The following ERBB4 variants were observed in gnomAD, a reference collection of about 807,000 sequenced individuals.
The protein encoded by ERBB4 is erb-b2 receptor tyrosine kinase 4.
ERBB4 carries 42 observed loss-of-function variants against 158.0 expected under a neutral mutation model. The observed-to-expected ratio is 0.27, with a 90% CI of 0.21 to 0.34. ERBB4 has a LOEUF of 0.34. Ranked by LOEUF, ERBB4 falls within the 10% of genes least tolerant of loss-of-function variation. ERBB4 has a pLI of 1.00. For missense variants in ERBB4, 1,333 were observed against 1,624.1 expected (o/e 0.82, Z 3.08); for synonymous variants, 583 against 558.7 (o/e 1.04, Z -0.61).
At chr2:212,023,784 G>A (rs1412180296) in intron 2 of ERBB4, among the ~76,000 whole-genome samples, 1 of 151,854 alleles carries the variant, frequency 6.6e-6, no homozygotes, top group African/African-American at 2.4e-5. Context: ...GTCCCCATGG[G>A]TGTCTTTGAA....
At chr2:211,725,563 C>A (rs2106134228) in intron 5 of ERBB4, among the ~76,000 whole-genome samples, 1 of 152,208 alleles carries the variant, frequency 6.6e-6, no homozygotes, top group South Asian at 2.1e-4. Flanking sequence ...TGGGCTACGA[C>A]TGCACTTGTG....
Position 212,206,589 on chromosome 2 carries a change from C to CTTTTTTTTTTTTTTTTTTTTTTTTT in ERBB4, c.83-81687_83-81686insAAAAAAAAAAAAAAAAAAAAAAAAA, listed in dbSNP as rs5838309. ...ATGAACTGTCTCCGTCTGTTCTGTT[C>CTTTTTTTTTTTTTTTTTTTTTTTTT]TTTTTTTTTTTTTTTTGAGACGGAG... On this transcript the variant is annotated intron_variant, in intron 1 of 27. Transcript: ENST00000342788. Among the ~76,000 whole-genome samples the CTTTTTTTTTTTTTTTTTTTTTTTTT allele has an allele frequency of 4.3e-4, 50 of 116,440 alleles. 7 individuals are homozygous for CTTTTTTTTTTTTTTTTTTTTTTTTT. The highest frequency in any genetic ancestry group is 8.3e-4 in the African/African-American group (23 of 27,644). 76.4% of individuals were successfully genotyped at this position (116,440 alleles called of 152,430 possible).
intron 13 of ERBB4, among the ~76,000 whole-genome samples, chr2:211,675,220 G>GT (rs67150464): frequency 0.41 from 62,806 of 152,074 alleles, 14,197 homozygotes; most frequent in East Asian, 0.9. Context: ...AGGGAGCTTT[G>GT]TTCCCTTGGT....
chr2:212,408,489 T>C (rs1011105466), intron 1 of ERBB4, among the ~76,000 whole-genome samples: 4 of 152,078 alleles, frequency 2.6e-5, no homozygotes, highest in African/African-American at 7.2e-5. Context: ...AAAATCCTGA[T>C]TCCTGAGGCC....
intron 25 of ERBB4, among the ~76,000 whole-genome samples, chr2:211,410,874 A>C (rs1010955078): frequency 2.0e-5 from 3 of 151,988 alleles, no homozygotes; most frequent in African/African-American, 7.3e-5. Flanking sequence ...GAACAATAAC[A>C]ATTTGTAAAA....
intron 1 of ERBB4, chr2:212,426,393 T>C: frequency 2.4e-6 from 1 of 423,846 alleles, no homozygotes; most frequent in Non-Finnish European, 4.6e-6. Flanking sequence ...TAGATCTCTT[T>C]CGTCACACAT....
At chr2:212,406,665 T>A (rs939654762) in intron 1 of ERBB4, among the ~76,000 whole-genome samples, 1 of 152,250 alleles carries the variant, frequency 6.6e-6, no homozygotes, top group Non-Finnish European at 1.5e-5. Flanking sequence ...GTTAAAAACC[T>A]CTCAGAGACT....
chr2:211,795,576 T>A (rs2076365624), intron 3 of ERBB4, among the ~76,000 whole-genome samples: 1 of 147,858 alleles, frequency 6.8e-6, no homozygotes, highest in South Asian at 2.1e-4. Context: ...TATATAAAAA[T>A]CCACAATCAT....
intron 3 of ERBB4, among the ~76,000 whole-genome samples, chr2:211,862,471 A>G (rs1275957924): frequency 1.3e-5 from 2 of 152,188 alleles, no homozygotes; most frequent in African/African-American, 4.8e-5. Flanking sequence ...CTGTTCAAAC[A>G]TAACTTCTAC....
Position 212,329,043 on chromosome 2 carries a change from C to T in ERBB4, c.83-204140G>A, listed in dbSNP as rs377645575. Among the ~76,000 whole-genome samples, 27 of 152,068 alleles carry T rather than the reference C, an allele frequency of 1.8e-4. No individual in the cohort carries two copies. In the East Asian group the frequency reaches 4.9e-3, roughly 27 times the overall value. On this transcript the variant is annotated intron_variant, in intron 1 of 27. Coordinates refer to ENST00000342788, the MANE Select transcript of ERBB4 (RefSeq NM_005235.3). Reference sequence around the variant, plus strand: ...TCCCATTTTAGTGAACATTTTGGAGCATGTGAGAGAAACACATTGTACTAA... The same window carrying T: ...TCCCATTTTAGTGAACATTTTGGAGTATGTGAGAGAAACACATTGTACTAA...
At chr2:211,915,386 A>C (rs1309283259) in intron 3 of ERBB4, among the ~76,000 whole-genome samples, 1 of 151,544 alleles carries the variant, frequency 6.6e-6, no homozygotes, top group Non-Finnish European at 1.5e-5. Flanking sequence ...TTAGATTTTA[A>C]ATTTGTTTTT....
At chr2:212,347,319 C>T (rs904573021) in intron 1 of ERBB4, among the ~76,000 whole-genome samples, 86 of 142,086 alleles carry the variant, frequency 6.1e-4, no homozygotes, top group Non-Finnish European at 3.2e-5. Flanking sequence ...CTAAGACTTC[C>T]GTTATTCTCT....
intron 3 of ERBB4, among the ~76,000 whole-genome samples, chr2:211,815,730 T>C (rs887307048): frequency 7.2e-5 from 11 of 152,166 alleles, no homozygotes; most frequent in Admixed American, 3.3e-4. Flanking sequence ...CCAGAGGAGA[T>C]TGGCAGTTGA....
intron 1 of ERBB4, among the ~76,000 whole-genome samples, chr2:212,315,206 T>A (rs2106248248): frequency 6.6e-6 from 1 of 151,492 alleles, no homozygotes; most frequent in South Asian, 2.1e-4. Context: ...AAGTATAATA[T>A]TATTTTGCTC....
At chr2:211,602,620 G>C (rs2068835716) in intron 19 of ERBB4, among the ~76,000 whole-genome samples, 2 of 152,018 alleles carry the variant, frequency 1.3e-5, no homozygotes, top group South Asian at 4.1e-4. Flanking sequence ...ACCATATAAA[G>C]TATCCTTACA....
At chr2:211,492,831 T>C (rs2065378438) in intron 20 of ERBB4, among the ~76,000 whole-genome samples, 1 of 152,150 alleles carries the variant, frequency 6.6e-6, no homozygotes, top group African/African-American at 2.4e-5. Flanking sequence ...GATCCACTGC[T>C]AACTCAACAC....
intron 1 of ERBB4, among the ~76,000 whole-genome samples, chr2:212,285,312 C>A (rs1355954320): frequency 6.6e-6 from 1 of 151,924 alleles, no homozygotes; most frequent in Admixed American, 6.6e-5. Context: ...AACCCTCACA[C>A]ACAAAATTAT....
chr2:212,192,324 T>G (rs1028314545), intron 1 of ERBB4, among the ~76,000 whole-genome samples: 1 of 151,514 alleles, frequency 6.6e-6, no homozygotes, highest in Non-Finnish European at 1.5e-5. Flanking sequence ...AAATAGAACT[T>G]TTTAAATTCT....
At position 211,387,182 on chromosome 2, in the gene ERBB4, G is replaced by A. The variant is rs186571978; in HGVS notation, c.3184-32C>T. The A allele has an allele frequency of 9.8e-5, 148 of 1,516,608 alleles. 1 individual carries two copies. The African/African-American group carries it at 1.6e-3, about 16-fold the overall frequency. 93.9% of individuals were successfully genotyped at this position (1,516,608 alleles called of 1,614,324 possible). A position where few individuals can be genotyped will look rare whatever the true frequency, so the allele number is the denominator to read the frequency against. On this transcript the variant is annotated intron_variant, in intron 26 of 27. Coordinates refer to ENST00000342788, the MANE Select transcript of ERBB4 (RefSeq NM_005235.3). ...ATAAGAGAAACATATGTGGAGAGAA[G>A]GCGTTGTTAGAAATAGTTTAAAAAT...
Sources: allele counts gnomAD v4.1 joint callset (sites outside exome capture counted in the v4.1 genomes callset), GRCh38; gene constraint gnomAD v4.1.1; transcripts MANE v1.5; gene names NCBI Gene and HGNC (gene_info 2026-07-23, HGNC 2026-07-21).